The following ATP1A3 variants were observed in gnomAD, a reference collection of about 807,000 sequenced individuals.
ATP1A3 encodes ATPase Na+/K+ transporting subunit alpha 3.
Under a neutral mutation model 108.8 loss-of-function variants are expected in ATP1A3, and 12 were observed. That is an observed-to-expected ratio of 0.11 (90% CI 0.07 to 0.18). The LOEUF (loss-of-function observed/expected upper bound fraction) is 0.18, where lower values mean the gene tolerates loss of function less well. Ranked by LOEUF, ATP1A3 falls within the 10% of genes least tolerant of loss-of-function variation. The probability of loss-of-function intolerance (pLI) is 1.00; values close to 1 mark genes in which losing one functional copy is unlikely to be tolerated. For synonymous variants in ATP1A3, 539 were observed against 564.5 expected (o/e 0.95, Z 0.64); for missense variants, 498 against 1,387.7 (o/e 0.36, Z 10.19).
At position 41,978,343 on chromosome 19, in the gene ATP1A3, G is replaced by A; in HGVS notation, c.1631-17C>T. 1 of 1,584,964 alleles carries A rather than the reference G, an allele frequency of 6.3e-7. No homozygotes were observed. The highest frequency in any genetic ancestry group is 8.6e-7 in the Non-Finnish European group (1 of 1,166,122). Reference sequence around the variant, plus strand: ...GGCAGAAACCTAGTGGCAGGGAAGGGTTGGGGTGTGAGGGTCCCAGCCTCG... The same window carrying A: ...GGCAGAAACCTAGTGGCAGGGAAGGATTGGGGTGTGAGGGTCCCAGCCTCG... On this transcript the variant is annotated splice_polypyrimidine_tract_variant and intron_variant, in intron 12 of 22. Transcript: ENST00000648268. This position sits in a 1 kb window ranked among gnomAD's most constrained non-coding sequence, Gnocchi z 8.3.
In ATP1A3 at chr19:41,988,568, A is replaced by T. The variant is rs1555866368; in HGVS notation, c.7-6T>A. 5 of 1,614,034 alleles carry T rather than the reference A, an allele frequency of 3.1e-6. No homozygotes were observed. Among genetic ancestry groups the T allele is most frequent in the Non-Finnish European group, 3.4e-6 (4 of 1,180,018 alleles). On this transcript the variant is annotated splice_polypyrimidine_tract_variant and splice_region_variant and intron_variant, in intron 1 of 22. Transcript: ENST00000648268. This position sits in a 1 kb window ranked among gnomAD's most constrained non-coding sequence, Gnocchi z 5.3. ...TCCTTGTCATCTTTCTTGTCCTGCG[A>T]GGTGGCGATACGATAGCTGTCAGAG...
intron 16 of ATP1A3, among the ~76,000 whole-genome samples, chr19:41,972,226 G>T (rs2075117262): frequency 6.6e-6 from 1 of 151,576 alleles, no homozygotes; most frequent in Admixed American, 6.6e-5. Context: ...CTCCAGCCTG[G>T]GCAACAGAGC....
At chr19:41,993,486 G>A (rs1599730970) in intron 1 of ATP1A3, 9 of 1,511,702 alleles carry the variant, frequency 6.0e-6, no homozygotes, top group Non-Finnish European at 6.2e-6. Context: ...CCCAGGCTGC[G>A]ACACTGCGGA....
chr19:41,971,383 A>G (rs1447529253), intron 16 of ATP1A3, among the ~76,000 whole-genome samples: 2 of 152,282 alleles, frequency 1.3e-5, no homozygotes, highest in African/African-American at 4.8e-5. Context: ...CCGACCGAGT[A>G]ATCCGACTCC....
Position 41,967,510 on chromosome 19 carries a change from G to A in ATP1A3, c.2921+152C>T. The A allele has an allele frequency of 8.8e-7, 1 of 1,134,318 alleles. No homozygotes were observed. The highest frequency in any genetic ancestry group is 1.5e-5 in the South Asian group (1 of 68,906). 70.3% of individuals were successfully genotyped at this position (1,134,318 alleles called of 1,614,324 possible). On this transcript the variant is annotated intron_variant, in intron 21 of 22. Coordinates refer to ENST00000648268, the MANE Select transcript of ATP1A3 (RefSeq NM_152296.5). The surrounding 1 kb of genome is among the most constrained non-coding windows in gnomAD (Gnocchi z 4.2). ...GGGGTCTTCGGAGTAATCCGTGGTG[G>A]GAGCAGCCTATGGGGGAGGCTCGGG...
rs761438975 is a variant in ATP1A3 at position 41,968,972 on chromosome 19, C to T, written c.2689-57G>A. ...CAGTTAGTGGCACTGCAGCCCTAGC[C>T]GCCACCCCGACGTTCCGGTGCTCTT... On this transcript the variant is annotated intron_variant, in intron 19 of 22. Transcript: ENST00000648268. The surrounding 1 kb of genome is among the most constrained non-coding windows in gnomAD (Gnocchi z 5.0). The T allele has an allele frequency of 5.6e-6, 9 of 1,611,078 alleles. No individual in the cohort carries two copies. The highest frequency in any genetic ancestry group is 1.7e-5 in the Admixed American group (1 of 59,930).
Position 41,994,199 on chromosome 19 carries a change from C to A in ATP1A3, c.-123G>T, listed in dbSNP as rs1231226728. 1 of 922,156 alleles carries A rather than the reference C, an allele frequency of 1.1e-6. No homozygotes were observed. The highest frequency in any genetic ancestry group is 3.3e-5 in the East Asian group (1 of 30,620). The allele number at this position is 922,156 out of a possible 1,614,324, so 57.1% of individuals were successfully genotyped here. A position where few individuals can be genotyped will look rare whatever the true frequency, so the allele number is the denominator to read the frequency against. On this transcript the variant is annotated 5_prime_UTR_variant, in exon 1 of 23. Coordinates refer to ENST00000648268, the MANE Select transcript of ATP1A3 (RefSeq NM_152296.5). ...GCCTCGGTAGGTGCGCGCGTCCGTC[C>A]GTCCGTCCGTTGGTCCCACCGCACA...
chr19:41,970,216 C>T lies in ATP1A3; in HGVS notation c.2511G>A (p.Glu837=). ...RNPRTDKLVN[E]RLISMAYGQI... ...GCCCGTAGGCCATGCTGATGAGTCT[C>T]TCATTGACCAATTTGTCCGTCCGCG... Residue 837 remains glutamate, a synonymous_variant, in exon 18 of 23, where the codon GAG becomes GAA. Transcript: ENST00000648268. The T allele has an allele frequency of 6.2e-7, 1 of 1,614,256 alleles. No individual in the cohort carries two copies. The highest frequency in any genetic ancestry group is 8.5e-7 in the Non-Finnish European group (1 of 1,180,048).
rs372041397 is a variant in ATP1A3 at position 41,986,003 on chromosome 19, G to C, written c.472-5C>G. The C allele has an allele frequency of 6.1e-5, 98 of 1,614,154 alleles. No homozygotes were observed. The highest frequency in any genetic ancestry group is 4.8e-4 in the South Asian group (44 of 91,084). On this transcript the variant is annotated splice_region_variant and splice_polypyrimidine_tract_variant and intron_variant, in intron 5 of 22. Transcript: ENST00000648268. ...TTCCCGGATCACCAGGGCTTGCTGA[G>C]GTGGGATGGAGTAATGTCACCTCCC...
chr19:41,969,330 A>T, intron 19 of ATP1A3, 105 bp downstream of exon 19: 1 of 1,579,036 alleles, frequency 6.3e-7, no homozygotes, highest in Non-Finnish European at 8.7e-7. Context: ...TGATGCTGCC[A>T]TGGGAGACTG....
chr19:41,970,049 C>G, intron 18 of ATP1A3, 136 bp downstream of exon 18: 3 of 1,422,178 alleles, frequency 2.1e-6, no homozygotes, highest in Non-Finnish European at 2.0e-6. Context: ...ACCCCCCCCA[C>G]AGATAGCTCA....
At chr19:41,973,586 C>T (rs1344035144) in intron 16 of ATP1A3, among the ~76,000 whole-genome samples, 1 of 152,328 alleles carries the variant, frequency 6.6e-6, no homozygotes, top group East Asian at 1.9e-4. Context: ...TCTTCCCTCA[C>T]TTCAGAGAGG....
Position 41,986,739 on chromosome 19 carries a change from A to AT in ATP1A3, c.358-511dup, listed in dbSNP as rs11287033. ...ACAGGTGTGAGCCATCTTTCCTGGC[A>AT]TTTTTTTTTTTTTTTTTTTTTGAGA... On this transcript the variant is annotated intron_variant, in intron 4 of 22. Coordinates refer to ENST00000648268, the MANE Select transcript of ATP1A3 (RefSeq NM_152296.5). The AT allele has an allele frequency of 8.2e-3, 792 of 96,678 alleles. 16 individuals are homozygous for AT. Among genetic ancestry groups the AT allele is most frequent in the African/African-American group, 0.024 (554 of 22,738 alleles). 6.0% of individuals were successfully genotyped at this position (96,678 alleles called of 1,614,324 possible). A position where few individuals can be genotyped will look rare whatever the true frequency, so the allele number is the denominator to read the frequency against.
At chr19:41,980,335 C>T (rs1384708502) in intron 11 of ATP1A3, among the ~76,000 whole-genome samples, 3 of 152,280 alleles carry the variant, frequency 2.0e-5, no homozygotes, top group African/African-American at 2.4e-5. Context: ...CTGAATGGGC[C>T]GGGCATGATG....
chr19:41,993,536 CACACACACA>C, intron 1 of ATP1A3: 2 of 1,282,624 alleles, frequency 1.6e-6, no homozygotes, highest in Middle Eastern at 2.1e-4. Context: ...CACACACACA[CACACACACA>C]CACACTGCGG....
rs138797500 is a variant in ATP1A3 at position 41,978,769 on chromosome 19, G to A, written c.1467C>T (p.Asn489=). 32 of 1,613,984 alleles carry A rather than the reference G, an allele frequency of 2.0e-5. No individual in the cohort carries two copies. Among genetic ancestry groups the A allele is most frequent in the African/African-American group, 8.0e-5 (6 of 74,920 alleles). Residue 489 remains asparagine, a synonymous_variant, in exon 12 of 23, where the codon AAC becomes AAT. Transcript: ENST00000648268. This position sits in a 1 kb window ranked among gnomAD's most constrained non-coding sequence, Gnocchi z 8.3. ...TCATCACCAGCAGGTATCGGTTGTC[G>A]TTGGGGTCCTCGGTCTCATGGATGG... ...QLSIHETEDP[N]DNRYLLVMKG...
rs2075054350 is a variant in ATP1A3, at chr19:41,967,350, G to GGA, written c.2922-12_2922-11dup. ...GAACCACCAGCTGGGCCTGCAGAGG[G>GGA]GAGAGCAGGAGGGCTTGAGTGCGGG... On this transcript the variant is annotated splice_polypyrimidine_tract_variant and intron_variant, in intron 21 of 22. Coordinates refer to ENST00000648268, the MANE Select transcript of ATP1A3 (RefSeq NM_152296.5). The surrounding 1 kb of genome is among the most constrained non-coding windows in gnomAD (Gnocchi z 4.2). 1 of 1,604,708 alleles carries GGA rather than the reference G, an allele frequency of 6.2e-7. No individual in the cohort carries two copies. Among genetic ancestry groups the GGA allele is most frequent in the African/African-American group, 1.3e-5 (1 of 75,054 alleles).
At chr19:41,991,466 A>G (rs1439246790) in intron 1 of ATP1A3, among the ~76,000 whole-genome samples, 1 of 152,188 alleles carries the variant, frequency 6.6e-6, no homozygotes, top group African/African-American at 2.4e-5. Flanking sequence ...CTACTGCCCT[A>G]CAGTGCCGGG....
chr19:41,993,176 T>TC, intron 1 of ATP1A3: 1 of 329,964 alleles, frequency 3.0e-6, no homozygotes, highest in South Asian at 3.2e-5. Context: ...CTCTCCTGAT[T>TC]CCCCCTCCCT....
Sources: gnomAD v4.1 joint callset for allele counts (sites outside exome capture counted in the v4.1 genomes callset) on GRCh38, gnomAD v4.1.1 for gene constraint, Gnocchi (gnomAD v3.1) non-coding constraint, MANE v1.5 for transcripts, NCBI Gene and HGNC (gene_info 2026-07-23, HGNC 2026-07-21) for gene names.